The following CCND3 variants were observed in gnomAD, a reference collection of about 807,000 sequenced individuals.
The protein encoded by CCND3 is cyclin D3.
CCND3 carries 9 observed loss-of-function variants against 28.7 expected under a neutral mutation model. That is an observed-to-expected ratio of 0.31 (90% confidence interval 0.19 to 0.55). The LOEUF is 0.55. Among genes scored for constraint, CCND3 ranks in the 20% least tolerant of loss-of-function variants. The probability of loss-of-function intolerance (pLI) is 0.93; values close to 1 mark genes in which losing one functional copy is unlikely to be tolerated. For missense variants in CCND3, 315 were observed against 385.8 expected, an observed-to-expected ratio of 0.82 and a Z score of 1.54; for synonymous variants, 164 against 163.9, an observed-to-expected ratio of 1.00 and a Z score of 0.00.
intron 1 of CCND3, among the ~76,000 whole-genome samples, chr6:41,972,771 C>T (rs1762069440): frequency 6.6e-6 from 1 of 151,766 alleles, no homozygotes; most frequent in Non-Finnish European, 1.5e-5. Flanking sequence ...AATCCTAGCC[C>T]TTTGGAAGGC....
At chr6:41,949,302 C>G (rs1776247248) in intron 1 of CCND3, among the ~76,000 whole-genome samples, 1 of 151,992 alleles carries the variant, frequency 6.6e-6, no homozygotes, top group Non-Finnish European at 1.5e-5. Context: ...GCCAGGCGTT[C>G]AAGACCAGCC....
chr6:41,988,803 A>G (rs1188846825), intron 1 of CCND3, among the ~76,000 whole-genome samples: 13 of 146,388 alleles, frequency 8.9e-5, no homozygotes, highest in Non-Finnish European at 1.8e-4. Flanking sequence ...GGTTCACGCC[A>G]TTCTCCTGCC....
At chr6:41,972,910 C>T (rs116243032) in intron 1 of CCND3, among the ~76,000 whole-genome samples, 1,588 of 151,056 alleles carry the variant, frequency 0.011, 25 homozygotes, top group African/African-American at 0.034. Flanking sequence ...ATATATATGA[C>T]TGAGTTGGAG....
chr6:41,963,608 C>T (rs750268202), intron 1 of CCND3, among the ~76,000 whole-genome samples: 4 of 152,218 alleles, frequency 2.6e-5, no homozygotes, highest in Non-Finnish European at 4.4e-5. Context: ...GGAGGCCAAA[C>T]TCCAATCAGA....
At chr6:41,970,903 C>T (rs1407329975) in intron 1 of CCND3, among the ~76,000 whole-genome samples, 3 of 150,272 alleles carry the variant, frequency 2.0e-5, no homozygotes, top group Non-Finnish European at 4.5e-5. Flanking sequence ...TTTCCACAAA[C>T]TTGCTCCAGT....
intron 1 of CCND3, among the ~76,000 whole-genome samples, chr6:41,969,802 A>C (rs1166364572): frequency 6.6e-6 from 1 of 152,122 alleles, no homozygotes; most frequent in East Asian, 1.9e-4. Context: ...AAGCATATGA[A>C]CTTTGGTGTC....
At chr6:42,009,036 T>C (rs1763257869) in intron 1 of CCND3, among the ~76,000 whole-genome samples, 1 of 152,174 alleles carries the variant, frequency 6.6e-6, no homozygotes, top group Admixed American at 6.6e-5. Flanking sequence ...CAGAGTCCCA[T>C]CCAAATGTAG....
Position 41,937,285 on chromosome 6 carries a change from T to TGTC in CCND3, c.521_523dup (p.Arg174dup). ...CTGGGCATGCTTTTTGACCAAGGCCTGTCGGTCACGGGGCAGAGAGAGCCG... is the reference window on the plus strand; with the variant it reads ...CTGGGCATGCTTTTTGACCAAGGCCTGTCGTCGGTCACGGGGCAGAGAGAGCCG... On this transcript the variant is annotated inframe_insertion, in exon 3 of 5. Transcript: ENST00000372991. 1 of 1,614,202 alleles carries TGTC rather than the reference T, an allele frequency of 6.2e-7. No homozygotes were observed. Among genetic ancestry groups the TGTC allele is most frequent in the Non-Finnish European group, 8.5e-7 (1 of 1,180,038 alleles).
At chr6:42,040,292 C>G (rs948387620) in intron 1 of CCND3, among the ~76,000 whole-genome samples, 2 of 152,070 alleles carry the variant, frequency 1.3e-5, no homozygotes, top group Non-Finnish European at 2.9e-5. Flanking sequence ...GTGGTGGGAG[C>G]CTGTAATCCC....
At chr6:42,021,006 C>T (rs1185218282) in intron 1 of CCND3, among the ~76,000 whole-genome samples, 1 of 152,230 alleles carries the variant, frequency 6.6e-6, no homozygotes, top group Non-Finnish European at 1.5e-5. Flanking sequence ...CGTGCCTCGG[C>T]TTCCCAAAGT....
intron 1 of CCND3, among the ~76,000 whole-genome samples, chr6:42,022,518 G>T (rs1763742841): frequency 6.6e-6 from 1 of 152,244 alleles, no homozygotes; most frequent in South Asian, 2.1e-4. Flanking sequence ...GGCACATCCA[G>T]TGTGGTACAG....
chr6:42,002,243 C>T (rs1054404596), intron 1 of CCND3, among the ~76,000 whole-genome samples: 3 of 150,658 alleles, frequency 2.0e-5, no homozygotes, highest in African/African-American at 7.3e-5. Flanking sequence ...GTCAGAAGTT[C>T]GAGACCAGCC....
chr6:41,966,586 G>A (rs1381477907), intron 1 of CCND3, among the ~76,000 whole-genome samples: 1 of 151,804 alleles, frequency 6.6e-6, no homozygotes, highest in Admixed American at 6.6e-5. Flanking sequence ...CAGGAATTAT[G>A]TTCTCCTTCT....
At chr6:41,980,514 A>G (rs1251058607) in intron 1 of CCND3, among the ~76,000 whole-genome samples, 1 of 2,868 alleles carries the variant, frequency 3.5e-4, no homozygotes, top group Non-Finnish European at 0.017. Flanking sequence ...ACAGAGGCAG[A>G]GGAAATCCTT....
Position 41,935,584 on chromosome 6 carries a change from T to G in CCND3, c.*356A>C. On this transcript the variant is annotated 3_prime_UTR_variant, in exon 5 of 5. Coordinates refer to ENST00000372991, the MANE Select transcript of CCND3 (RefSeq NM_001760.5). ...ACACCTTTAGAAGGCACTAGAGCAT[T>G]TTGGCAGTTGAAAACATGAGAGCCC... The G allele has an allele frequency of 2.2e-6, 1 of 464,278 alleles. No homozygotes were observed. The allele number at this position is 464,278 out of a possible 1,614,324, so 28.8% of individuals were successfully genotyped here.
At chr6:41,963,043 G>A (rs1172341434) in intron 1 of CCND3, among the ~76,000 whole-genome samples, 2 of 152,128 alleles carry the variant, frequency 1.3e-5, no homozygotes, top group African/African-American at 2.4e-5. Flanking sequence ...GAGCCACCAC[G>A]CCTGGCCAAA....
At chr6:41,963,877 C>A (rs1761783632) in intron 1 of CCND3, among the ~76,000 whole-genome samples, 1 of 152,188 alleles carries the variant, frequency 6.6e-6, no homozygotes, top group Non-Finnish European at 1.5e-5. Flanking sequence ...CACATAGCTC[C>A]TTTCCTCACT....
intron 1 of CCND3, among the ~76,000 whole-genome samples, chr6:42,035,273 TA>T (rs1764171621): frequency 1.3e-5 from 2 of 152,222 alleles, no homozygotes; most frequent in Admixed American, 6.5e-5. Flanking sequence ...TCCTACCAAA[TA>T]ATTACTAATT....
upstream of CCND3, chr6:41,941,863 A>G (rs1285307817): frequency 2.0e-5 from 5 of 244,778 alleles, no homozygotes; most frequent in South Asian, 3.5e-4. The surrounding 1 kb of genome is among the most constrained non-coding windows in gnomAD (Gnocchi z 6.1). Context: ...GGACGTCGCA[A>G]CGCTCCGAGG....
Sources: gnomAD v4.1 joint callset for allele counts (sites outside exome capture counted in the v4.1 genomes callset) on GRCh38, gnomAD v4.1.1 for gene constraint, Gnocchi (gnomAD v3.1) non-coding constraint, MANE v1.5 for transcripts, NCBI Gene and HGNC (gene_info 2026-07-23, HGNC 2026-07-21) for gene names.